HCN4: variants seen among roughly 807,000 people sequenced by gnomAD.
HCN4 encodes potassium/sodium hyperpolarization-activated cyclic nucleotide-gated channel 4.
A neutral mutation model predicts 76.9 loss-of-function variants in HCN4; 29 were observed. That is an observed-to-expected ratio of 0.38 (90% confidence interval 0.28 to 0.51). HCN4 has a LOEUF of 0.51. Ranked by LOEUF, HCN4 falls within the 20% of genes least tolerant of loss-of-function variation. The pLI is 0.90. For synonymous variants in HCN4, 772 were observed against 762.5 expected (o/e 1.01, Z -0.21); for missense variants, 1,416 against 1,715.2 (o/e 0.83, Z 3.08).
rs60106866 is a variant in HCN4 at position 73,355,761 on chromosome 15, A to G, written c.785+11725T>C. 1.3e-3 allele frequency among the ~76,000 whole-genome samples: 190 copies of G among 150,496 alleles called. 1 individual carries two copies. In the East Asian group the frequency reaches 0.024, roughly 19 times the overall value. On this transcript the variant is annotated intron_variant, in intron 1 of 7. Coordinates refer to ENST00000261917, the MANE Select transcript of HCN4 (RefSeq NM_005477.3). ...CACACCAGTGAATATGTACATGCGC[A>G]CACACACACACACACACACCGCCAA...
chr15:73,322,415 C>T lies in HCN4; in HGVS notation c.*66G>A. The T allele has an allele frequency of 1.6e-6, 2 of 1,266,264 alleles. No individual in the cohort carries two copies. The highest frequency in any genetic ancestry group is 1.1e-6 in the Non-Finnish European group (1 of 887,550). The allele number at this position is 1,266,264 out of a possible 1,614,324, so 78.4% of individuals were successfully genotyped here. On this transcript the variant is annotated 3_prime_UTR_variant, in exon 8 of 8. Transcript: ENST00000261917. ...CTGTTATTGGTATATCTCCTAATCA[C>T]AGTTAAACCTGAAGGAAGAAGGAAG...
At position 73,322,430 on chromosome 15, in the gene HCN4, G is replaced by A; in HGVS notation, c.*51C>T. 5.7e-6 allele frequency: 8 copies of A among 1,406,586 alleles called. No homozygotes were observed. Among genetic ancestry groups the A allele is most frequent in the Non-Finnish European group, 7.9e-6 (8 of 1,015,022 alleles). The allele number at this position is 1,406,586 out of a possible 1,614,324, so 87.1% of individuals were successfully genotyped here. On this transcript the variant is annotated 3_prime_UTR_variant, in exon 8 of 8. Coordinates refer to ENST00000261917, the MANE Select transcript of HCN4 (RefSeq NM_005477.3). ...CTCCTAATCACAGTTAAACCTGAAG[G>A]AAGAAGGAAGGGAGAGAAAAGAAGA...
chr15:73,367,442 C>G lies in HCN4; in HGVS notation c.785+44G>C, dbSNP rs776665679. On this transcript the variant is annotated intron_variant, in intron 1 of 7. Transcript: ENST00000261917. The surrounding 1 kb of genome is among the most constrained non-coding windows in gnomAD (Gnocchi z 7.5). ...GCAGGGTCAGGAGGAGGCATGCCTGCCACCGCGCAGGGCACCCACAGGATC... is the reference window on the plus strand; with the variant it reads ...GCAGGGTCAGGAGGAGGCATGCCTGGCACCGCGCAGGGCACCCACAGGATC... 1.9e-6 allele frequency: 3 copies of G among 1,611,138 alleles called. No individual in the cohort carries two copies. The African/African-American group carries it at 4.0e-5, about 22-fold the overall frequency.
chr15:73,342,359 G>C (rs937898755), intron 2 of HCN4: 7 of 152,236 alleles, frequency 4.6e-5, no homozygotes, highest in Admixed American at 6.5e-5. Context: ...CTGAGCACAA[G>C]ACTCCAACTT....
intron 1 of HCN4, among the ~76,000 whole-genome samples, chr15:73,352,543 T>C (rs757934949): frequency 1.3e-5 from 2 of 152,174 alleles, no homozygotes; most frequent in Non-Finnish European, 2.9e-5. Flanking sequence ...GCCTGGGGTC[T>C]CTGACAGGAT....
intron 1 of HCN4, among the ~76,000 whole-genome samples, chr15:73,355,785 A>G (rs2043076162): frequency 6.6e-6 from 1 of 152,114 alleles, no homozygotes; most frequent in African/African-American, 2.4e-5. Context: ...ACACACCGCC[A>G]AACTGCACAG....
intron 2 of HCN4, among the ~76,000 whole-genome samples, chr15:73,337,414 C>T (rs2042973485): frequency 6.6e-6 from 1 of 152,182 alleles, no homozygotes; most frequent in African/African-American, 2.4e-5. Context: ...TATGGGAGCT[C>T]AAGGAAGCCT....
intron 1 of HCN4, among the ~76,000 whole-genome samples, chr15:73,345,755 CAAAAG>C (rs1057349516): frequency 3.3e-5 from 5 of 152,138 alleles, no homozygotes; most frequent in African/African-American, 1.2e-4. Context: ...CTGGGAAAAA[CAAAAG>C]AAAACAAATT....
At chr15:73,359,829 G>A (rs1159146077) in intron 1 of HCN4, among the ~76,000 whole-genome samples, 1 of 152,166 alleles carries the variant, frequency 6.6e-6, no homozygotes, top group Non-Finnish European at 1.5e-5. Flanking sequence ...TAGATCACGT[G>A]ACCATTTCTC....
Position 73,329,553 on chromosome 15 carries a change from T to C in HCN4, c.1590+20A>G. 6.2e-7 allele frequency: 1 copy of C among 1,611,714 alleles called. No homozygotes were observed. Among genetic ancestry groups the C allele is most frequent in the Non-Finnish European group, 8.5e-7 (1 of 1,178,436 alleles). ...CTCTTGGGAGGGACCAATGTGCGGG[T>C]GCTCCCTGGGTAGACCTACCTTTTC... On this transcript the variant is annotated intron_variant, in intron 4 of 7. Coordinates refer to ENST00000261917, the MANE Select transcript of HCN4 (RefSeq NM_005477.3).
chr15:73,331,347 G>T (rs935988265), intron 3 of HCN4, among the ~76,000 whole-genome samples: 2 of 152,232 alleles, frequency 1.3e-5, no homozygotes, highest in East Asian at 1.9e-4. Flanking sequence ...GGATATGTTG[G>T]CGAGTGGGGG....
At position 73,343,672 on chromosome 15, in the gene HCN4, T is replaced by C. The variant is rs1431718785; in HGVS notation, c.922A>G (p.Ile308Val). The change falls in exon 2 of 8, where the codon ATC becomes GTC. Residue 308 changes from isoleucine to valine, a missense_variant. Physicochemically the swap from Ile to Val is conservative, Grantham distance 29. Around this residue, in one of 6 missense-constraint regions of HCN4, gnomAD observed 52 missense variants for 129.1 expected, o/e 0.40. Transcript: ENST00000261917. The surrounding 1 kb of genome is among the most constrained non-coding windows in gnomAD (Gnocchi z 5.7). ...FNVVSDTFFLIDLVLNFRTGI... is the reference protein window; with the variant it reads ...FNVVSDTFFLVDLVLNFRTGI... Reference sequence around the variant, plus strand: ...GTGCGGAAGTTGAGGACCAAGTCGATGAGGAAGAATGTGTCTGACACCACA... The same window carrying C: ...GTGCGGAAGTTGAGGACCAAGTCGACGAGGAAGAATGTGTCTGACACCACA... The C allele has an allele frequency of 6.2e-7, 1 of 1,614,078 alleles. No individual in the cohort carries two copies. The highest frequency in any genetic ancestry group is 2.2e-5 in the East Asian group (1 of 44,862).
In HCN4 at chr15:73,367,595, C is replaced by T. The variant is rs762024289; in HGVS notation, c.676G>A (p.Val226Ile). The T allele has an allele frequency of 1.9e-6, 3 of 1,613,658 alleles. No individual in the cohort carries two copies. The highest frequency in any genetic ancestry group is 2.2e-5 in the South Asian group (2 of 91,094). ...AACATCCTTAGGGAGAATTTGTTGA[C>T]CCCGGGTTGGAGCATGGCCCCGAAC... Reference protein sequence around the residue: ...RQFGAMLQPGVNKFSLRMFGS... With the variant: ...RQFGAMLQPGINKFSLRMFGS... Residue 226 changes from valine (V) to isoleucine (I), a missense_variant, in exon 1 of 8, where the codon GTC (valine) becomes ATC (isoleucine). Val to Ile is a conservative substitution (Grantham distance 29). Around this residue, in one of 6 missense-constraint regions of HCN4, gnomAD observed 355 missense variants for 347.8 expected, o/e 1.02. Coordinates refer to ENST00000261917, the MANE Select transcript of HCN4 (RefSeq NM_005477.3). This position sits in a 1 kb window ranked among gnomAD's most constrained non-coding sequence, Gnocchi z 7.5.
rs1405562646 is a variant in HCN4, at chr15:73,368,487, C to CGGGCCCGGCTGGGCGCGG, written c.-235_-218dup. 8.6e-6 allele frequency: 3 copies of CGGGCCCGGCTGGGCGCGG among 350,492 alleles called. No homozygotes were observed. The highest frequency in any genetic ancestry group is 6.4e-5 in the African/African-American group (3 of 46,666). 21.7% of individuals were successfully genotyped at this position (350,492 alleles called of 1,614,324 possible). A position where few individuals can be genotyped will look rare whatever the true frequency, so the allele number is the denominator to read the frequency against. On this transcript the variant is annotated 5_prime_UTR_variant, in exon 1 of 8. Coordinates refer to ENST00000261917, the MANE Select transcript of HCN4 (RefSeq NM_005477.3). The surrounding 1 kb of genome is among the most constrained non-coding windows in gnomAD (Gnocchi z 6.9). ...GGGCTCGCCGCGCTACACCTCCTCCCGGGCCCGGCTGGGCGCGGGGACCCC... is the reference window on the plus strand; with the variant it reads ...GGGCTCGCCGCGCTACACCTCCTCCCGGGCCCGGCTGGGCGCGGGGGCCCGGCTGGGCGCGGGGACCCC...
chr15:73,328,383 C>T lies in HCN4; in HGVS notation c.1590+1190G>A, dbSNP rs1209539007. 6.6e-6 allele frequency among the ~76,000 whole-genome samples: 1 copy of T among 151,896 alleles called. No individual in the cohort carries two copies. Among genetic ancestry groups the T allele is most frequent in the Admixed American group, 6.6e-5 (1 of 15,254 alleles). On this transcript the variant is annotated intron_variant, in intron 4 of 7. Coordinates refer to ENST00000261917, the MANE Select transcript of HCN4 (RefSeq NM_005477.3). The surrounding 1 kb of genome is among the most constrained non-coding windows in gnomAD (Gnocchi z 4.0). ...ATGAGGGCAGATCCCTGGTTATGCT[C>T]CTCAAATGCCAGGCTGGGAAAACAT...
chr15:73,323,359 T>G lies in HCN4; in HGVS notation c.2734A>C (p.Lys912Gln). The change falls in exon 8 of 8, where the codon AAG becomes CAG. Residue 912 changes from lysine (K) to glutamine (Q), a missense_variant. Lys to Gln is a moderately conservative substitution (Grantham distance 53). Coordinates refer to ENST00000261917, the MANE Select transcript of HCN4 (RefSeq NM_005477.3). ...TTIAGFGHFH[K>Q]ALGGSLSSSD... The stretch of plus-strand genomic sequence containing the variant: ...GAGGACAGGGAGCCACCCAGCGCCT[T>G]GTGGAAGTGGCCAAACCCGGCTATG... 1 of 1,576,540 alleles carries G rather than the reference T, an allele frequency of 6.3e-7. No homozygotes were observed. The highest frequency in any genetic ancestry group is 2.3e-5 in the East Asian group (1 of 42,842).
Position 73,368,934 on chromosome 15 carries a change from G to A in HCN4, c.-664C>T, listed in dbSNP as rs938039305. On this transcript the variant is annotated 5_prime_UTR_variant, in exon 1 of 8. Transcript: ENST00000261917. This position sits in a 1 kb window ranked among gnomAD's most constrained non-coding sequence, Gnocchi z 6.9. The stretch of plus-strand genomic sequence containing the variant: ...TATTCATGAAGCCGCCGCAGCTCGC[G>A]GGTTGCCATAGGAGCGGCTCCAGCA... 2 of 152,238 alleles carry A rather than the reference G, an allele frequency of 1.3e-5. No individual in the cohort carries two copies. The highest frequency in any genetic ancestry group is 2.4e-5 in the African/African-American group (1 of 41,462). 9.4% of individuals were successfully genotyped at this position (152,238 alleles called of 1,614,324 possible).
intron 3 of HCN4, 51 bp from the exon 4 acceptor site, chr15:73,329,842 T>C: frequency 6.7e-7 from 1 of 1,497,784 alleles, no homozygotes. Context: ...AAGGCCCTTC[T>C]CACTAGCAAG....
At chr15:73,329,513 G>T in intron 4 of HCN4, 60 bp downstream of exon 4, 2 of 1,534,722 alleles carry the variant, frequency 1.3e-6, no homozygotes, top group Non-Finnish European at 1.8e-6. Flanking sequence ...CCCACTGGCT[G>T]GTGGCCTGTG....
Sources: gnomAD v4.1 joint callset for allele counts (sites outside exome capture counted in the v4.1 genomes callset) on GRCh38, gnomAD v4.1.1 for gene constraint, gnomAD v4.1.1 regional missense constraint, Gnocchi (gnomAD v3.1) non-coding constraint, MANE v1.5 for transcripts, NCBI Gene and HGNC (gene_info 2026-07-23, HGNC 2026-07-21) for gene names.